AP3M2: variants seen among roughly 807,000 people sequenced by gnomAD.
AP3M2 encodes the protein adaptor related protein complex 3 subunit mu 2, also known as AP-3 complex subunit mu-2.
Under a neutral mutation model 41.6 loss-of-function variants are expected in AP3M2, and 28 were observed. That is an observed-to-expected ratio of 0.67 (90% CI 0.50 to 0.92). The LOEUF (loss-of-function observed/expected upper bound fraction) is 0.92, where lower values mean the gene tolerates loss of function less well. Ranked by LOEUF, AP3M2 falls within the 40% of genes least tolerant of loss-of-function variation. The pLI, the probability that AP3M2 is intolerant of heterozygous loss-of-function variation, is 0.00. For missense variants in AP3M2, 427 were observed against 521.4 expected (o/e 0.82, Z 1.76); for synonymous variants, 193 against 186.4 (o/e 1.04, Z -0.29).
rs1804772313 is a variant in AP3M2, at chr8:42,170,561, ACT to A, written c.*1504_*1505del. 1.3e-5 allele frequency: 2 copies of A among 152,062 alleles called. No homozygotes were observed. Among genetic ancestry groups the A allele is most frequent in the African/African-American group, 2.4e-5 (1 of 41,396 alleles). 9.4% of individuals were successfully genotyped at this position (152,062 alleles called of 1,614,324 possible). A position where few individuals can be genotyped will look rare whatever the true frequency, so the allele number is the denominator to read the frequency against. ...TGCATGGAGAAAAAGGAAGACCCGTACTCTCCACACCCTAGAGCTTTTCTCTA... is the reference window on the plus strand; with the variant it reads ...TGCATGGAGAAAAAGGAAGACCCGTACTCCACACCCTAGAGCTTTTCTCTA... On this transcript the variant is annotated 3_prime_UTR_variant, in exon 9 of 9. Transcript: ENST00000396926.
rs989831918 is a variant in AP3M2, at chr8:42,155,004, T to G, written c.273+44T>G. ...GTTCATATATGTAAACCGTAAAGTGTCTTTGTAGTCCTGTTTCCATTGTGT... is the reference window on the plus strand; with the variant it reads ...GTTCATATATGTAAACCGTAAAGTGGCTTTGTAGTCCTGTTTCCATTGTGT... On this transcript the variant is annotated intron_variant, in intron 2 of 8. Transcript: ENST00000396926. The G allele has an allele frequency of 2.6e-6, 4 of 1,516,806 alleles. No individual in the cohort carries two copies. In the African/African-American group the frequency reaches 5.5e-5, roughly 21 times the overall value. 94.0% of individuals were successfully genotyped at this position (1,516,806 alleles called of 1,614,324 possible).
chr8:42,171,139 A>G lies in AP3M2; in HGVS notation c.*2078A>G, dbSNP rs1804790871. The G allele has an allele frequency of 6.6e-6, 1 of 152,252 alleles. No homozygotes were observed. Among genetic ancestry groups the G allele is most frequent in the African/African-American group, 2.4e-5 (1 of 41,452 alleles). 9.4% of individuals were successfully genotyped at this position (152,252 alleles called of 1,614,324 possible). A position where few individuals can be genotyped will look rare whatever the true frequency, so the allele number is the denominator to read the frequency against. ...TCCATGTGTGTTTAACATGTGCAGA[A>G]GTAGCTTCTCTGTTTAAGTTTAATA... On this transcript the variant is annotated 3_prime_UTR_variant, in exon 9 of 9. Coordinates refer to ENST00000396926, the MANE Select transcript of AP3M2 (RefSeq NM_006803.4).
rs1194475898 is a variant in AP3M2, at chr8:42,162,268, T to A, written c.446-13T>A. The A allele has an allele frequency of 7.5e-6, 12 of 1,603,976 alleles. No individual in the cohort carries two copies. Among genetic ancestry groups the A allele is most frequent in the Non-Finnish European group, 1.0e-5 (12 of 1,176,150 alleles). On this transcript the variant is annotated splice_polypyrimidine_tract_variant and intron_variant, in intron 3 of 8. Transcript: ENST00000396926. The stretch of plus-strand genomic sequence containing the variant: ...AAAATGGTGTTAAAATACAGTAATA[T>A]TAATTGCCTCAGGAAGCACGAATGT...
chr8:42,161,043 G>T (rs978392947), intron 3 of AP3M2, among the ~76,000 whole-genome samples: 2 of 152,296 alleles, frequency 1.3e-5, no homozygotes, highest in African/African-American at 4.8e-5. Flanking sequence ...ATTGGCTCAT[G>T]CCTGTATCCA....
chr8:42,161,953 C>T lies in AP3M2; in HGVS notation c.446-328C>T, dbSNP rs545824929. 17 of 179,228 alleles carry T rather than the reference C, an allele frequency of 9.5e-5. No individual in the cohort carries two copies. The South Asian group carries it at 2.5e-3, about 26-fold the overall frequency. The allele number at this position is 179,228 out of a possible 1,614,324, so 11.1% of individuals were successfully genotyped here. On this transcript the variant is annotated intron_variant, in intron 3 of 8. Transcript: ENST00000396926. ...AATTTTTATATCAATATGTAGATTA[C>T]GAACTCTACTGAAAGCCAATACATT...
chr8:42,162,567 G>C (rs1804534300), intron 4 of AP3M2, 149 bp downstream of exon 4: 1 of 830,082 alleles, frequency 1.2e-6, no homozygotes, highest in African/African-American at 1.7e-5. Flanking sequence ...TGGGTACTGG[G>C]AATGGACGTT....
At chr8:42,156,260 T>C (rs6474378) in intron 2 of AP3M2, among the ~76,000 whole-genome samples, 73,570 of 152,082 alleles carry the variant, frequency 0.48, 18,323 homozygotes, top group African/African-American at 0.61. Flanking sequence ...GTTGAAACCA[T>C]GGGGGAATTT....
chr8:42,167,670 T>C lies in AP3M2; in HGVS notation c.1016T>C (p.Leu339Pro), dbSNP rs1435110261. Residue 339 changes from leucine (L) to proline (P), a missense_variant, in exon 8 of 9, where the codon CTG becomes CCG. By Grantham distance (98) the Leu-to-Pro change is moderately conservative. This residue lies in a region of AP3M2 where 237 missense variants were observed against 284.9 expected (regional missense o/e 0.83). Transcript: ENST00000396926. ...CCATTTTTATTTTCTTTGAAGATGC[T>C]GTCTTGGGATGTAGGAAAAATAAAT... ...THTFDPVTKM[L>P]SWDVGKINPQ... 1.3e-6 allele frequency: 2 copies of C among 1,599,744 alleles called. No individual in the cohort carries two copies. The highest frequency in any genetic ancestry group is 1.7e-6 in the Non-Finnish European group (2 of 1,176,504).
rs185792433 is a variant in AP3M2, at chr8:42,155,364, A to G, written c.273+404A>G. ...TAGAAAAGAAAAAGTAGAAAAAGCT[A>G]AGGAATGCTTAATTTAACTCTCCCA... On this transcript the variant is annotated intron_variant, in intron 2 of 8. Coordinates refer to ENST00000396926, the MANE Select transcript of AP3M2 (RefSeq NM_006803.4). 3.1e-3 allele frequency among the ~76,000 whole-genome samples: 472 copies of G among 152,344 alleles called. 3 individuals carry two copies. Among genetic ancestry groups the G allele is most frequent in the Admixed American group, 4.6e-3 (70 of 15,308 alleles).
chr8:42,167,344 G>T lies in AP3M2; in HGVS notation c.984G>T (p.Gly328=). Residue 328 remains glycine (G), a synonymous_variant, in exon 7 of 9, where the codon GGG becomes GGT. Coordinates refer to ENST00000396926, the MANE Select transcript of AP3M2 (RefSeq NM_006803.4). ...VLNMSLTPSQ[G]THTFDPVTKM... ...ACATGAGCCTTACTCCATCACAGGG[G>T]ACACACACATTCGACCCAGTCACAA... 6.2e-7 allele frequency: 1 copy of T among 1,614,164 alleles called. No individual in the cohort carries two copies. The highest frequency in any genetic ancestry group is 8.5e-7 in the Non-Finnish European group (1 of 1,180,036).
chr8:42,167,386 G>T lies in AP3M2; in HGVS notation c.1011+15G>T. On this transcript the variant is annotated intron_variant, in intron 7 of 8. Transcript: ENST00000396926. ...CAGTCACAAAGGTAGGGATGAGCAG[G>T]ACATCTTGAATTGCTGATGTTAAGC... 1 of 1,612,068 alleles carries T rather than the reference G, an allele frequency of 6.2e-7. No individual in the cohort carries two copies. Among genetic ancestry groups the T allele is most frequent in the Non-Finnish European group, 8.5e-7 (1 of 1,178,246 alleles).
At chr8:42,165,759 A>C in intron 6 of AP3M2, 199 bp downstream of exon 6, 1 of 543,684 alleles carries the variant, frequency 1.8e-6, no homozygotes, top group Non-Finnish European at 3.2e-6. Context: ...AAAATAATAA[A>C]AGTGCCTTGT....
At chr8:42,160,057 C>T (rs546774436) in intron 3 of AP3M2, among the ~76,000 whole-genome samples, 55 of 151,888 alleles carry the variant, frequency 3.6e-4, no homozygotes, top group Non-Finnish European at 6.6e-4. Flanking sequence ...GGTTTAACAT[C>T]CCAAATCCAA....
intron 3 of AP3M2, among the ~76,000 whole-genome samples, chr8:42,160,511 A>G (rs1369469526): frequency 6.6e-6 from 1 of 152,254 alleles, no homozygotes; most frequent in East Asian, 1.9e-4. Context: ...TAGCTAGGTT[A>G]AGGAGTTAAA....
intron 2 of AP3M2, among the ~76,000 whole-genome samples, chr8:42,157,270 C>G (rs143587241): frequency 6.6e-6 from 1 of 152,270 alleles, no homozygotes; most frequent in East Asian, 1.9e-4. Context: ...CCTGATTATA[C>G]CATTAAAGAA....
chr8:42,154,792 G>T lies in AP3M2; in HGVS notation c.105G>T (p.Ala35=), dbSNP rs199664300. The change falls in exon 2 of 9, where the codon GCG becomes GCT. Residue 35 remains alanine, a synonymous_variant. Transcript: ENST00000396926. ...SRSVCDYFFE[A]QERATEAENV... is the part of the protein sequence containing the mutation. ...CTGTTTGTGATTACTTTTTTGAGGC[G>T]CAAGAGAGAGCTACTGAGGCAGAAA... 3.1e-6 allele frequency: 5 copies of T among 1,614,040 alleles called. No individual in the cohort carries two copies. The highest frequency in any genetic ancestry group is 1.1e-5 in the South Asian group (1 of 91,070).
chr8:42,154,445 C>G (rs1426013555), intron 1 of AP3M2, 171 bp from the exon 2 acceptor site: 7 of 500,778 alleles, frequency 1.4e-5, no homozygotes, highest in South Asian at 8.0e-5. Context: ...GATTGACAGT[C>G]AGATGACTGA....
At chr8:42,167,931 TAAAC>T in intron 8 of AP3M2, 121 bp downstream of exon 8, 1 of 1,231,900 alleles carries the variant, frequency 8.1e-7, no homozygotes. Flanking sequence ...CATTACCTGA[TAAAC>T]AATCTTTAGT....
intron 6 of AP3M2, among the ~76,000 whole-genome samples, chr8:42,166,599 A>AAAAAAAAAAAAAAAAAAAAG: frequency 6.7e-6 from 1 of 150,256 alleles, no homozygotes; most frequent in African/African-American, 2.5e-5. Flanking sequence ...TACAAAAAAA[A>AAAAAAAAAAAAAAAAAAAAG]AAAAAAAAAA....
Sources: allele counts gnomAD v4.1 joint callset (sites outside exome capture counted in the v4.1 genomes callset), GRCh38; gene constraint gnomAD v4.1.1; regional missense constraint gnomAD v4.1.1; transcripts MANE v1.5; gene names NCBI Gene and HGNC (gene_info 2026-07-23, HGNC 2026-07-21).